MYOF: variants seen among roughly 807,000 people sequenced by gnomAD.
MYOF encodes myoferlin, also known as fer-1-like 3, myoferlin.
A neutral mutation model predicts 284.2 loss-of-function variants in MYOF; 244 were observed. The observed-to-expected ratio is 0.86, with a 90% CI of 0.77 to 0.95. The LOEUF is 0.95. Ranked by LOEUF, MYOF falls within the 40% of genes least tolerant of loss-of-function variation. MYOF has a pLI of 0.00. For missense variants in MYOF, 2,496 were observed against 2,560.6 expected (o/e 0.97, Z 0.54); for synonymous variants, 904 against 919.7 (o/e 0.98, Z 0.31).
intron 12 of MYOF, among the ~76,000 whole-genome samples, chr10:93,400,862 T>G (rs1314920537): frequency 6.1e-5 from 9 of 146,894 alleles, no homozygotes; most frequent in South Asian, 4.4e-4. Flanking sequence ...TGTTTTTTTT[T>G]TTTTTTTTTT....
Position 93,363,997 on chromosome 10 carries a change from G to A in MYOF, c.2832C>T (p.Gly944=), listed in dbSNP as rs757352331. Residue 944 remains glycine, a synonymous_variant, in exon 27 of 54, where the codon GGC becomes GGT. Coordinates refer to ENST00000359263, the MANE Select transcript of MYOF (RefSeq NM_013451.4). The stretch of plus-strand genomic sequence containing the variant: ...AGGTGTCCTCGGCCGGCTTCCAGTC[G>A]CCCCCGGGGTAGCGGCTCTCGTTCT... ...VYQNESRYPG[G]DWKPAEDTYT... is the part of the protein sequence containing the mutation. 9.9e-6 allele frequency: 16 copies of A among 1,613,952 alleles called. No individual in the cohort carries two copies. The highest frequency in any genetic ancestry group is 7.7e-5 in the South Asian group (7 of 91,092).
At chr10:93,320,724 A>C (rs1044175892) in intron 48 of MYOF, among the ~76,000 whole-genome samples, 1 of 152,152 alleles carries the variant, frequency 6.6e-6, no homozygotes, top group African/African-American at 2.4e-5. Flanking sequence ...AGTTGTTGCT[A>C]CTGGGAAGAC....
Position 93,408,976 on chromosome 10 carries a change from C to T in MYOF, c.601-61G>A, listed in dbSNP as rs1461124106. 4 of 1,604,038 alleles carry T rather than the reference C, an allele frequency of 2.5e-6. No homozygotes were observed. In the African/African-American group the frequency reaches 4.0e-5, roughly 16 times the overall value. The stretch of plus-strand genomic sequence containing the variant: ...CCCAGCACGTGGGATCCTTAGGATC[C>T]TCAGGTGTTGCTTCATTTCCTTCAC... On this transcript the variant is annotated intron_variant, in intron 6 of 53. Coordinates refer to ENST00000359263, the MANE Select transcript of MYOF (RefSeq NM_013451.4).
intron 50 of MYOF, among the ~76,000 whole-genome samples, chr10:93,313,712 C>T (rs759223751): frequency 3.3e-5 from 5 of 151,926 alleles, no homozygotes; most frequent in Non-Finnish European, 5.9e-5. Flanking sequence ...ACCAGCCTGG[C>T]CAACATGGTG....
At chr10:93,408,016 CTG>C (rs1435981337) in intron 7 of MYOF, among the ~76,000 whole-genome samples, 3 of 152,086 alleles carry the variant, frequency 2.0e-5, no homozygotes, top group Non-Finnish European at 2.9e-5. Flanking sequence ...AACAGCATCT[CTG>C]AGAACCACTG....
At chr10:93,396,067 C>T (rs1846991969) in intron 16 of MYOF, 75 bp downstream of exon 16, 1 of 1,158,616 alleles carries the variant, frequency 8.6e-7, no homozygotes, top group Non-Finnish European at 1.3e-6. Flanking sequence ...GAGGTGGCTA[C>T]CCCAGTTCAT....
intron 38 of MYOF, among the ~76,000 whole-genome samples, chr10:93,341,751 G>A (rs1843928079): frequency 6.6e-6 from 1 of 152,134 alleles, no homozygotes; most frequent in Non-Finnish European, 1.5e-5. Context: ...TCATTAAATG[G>A]CACAGAAGAT....
chr10:93,446,261 C>T (rs887517839), intron 3 of MYOF, among the ~76,000 whole-genome samples: 2 of 152,016 alleles, frequency 1.3e-5, no homozygotes, highest in African/African-American at 2.4e-5. Context: ...AGATAATGTT[C>T]TAATTTTTAG....
chr10:93,440,228 A>T (rs2056201994), intron 3 of MYOF, among the ~76,000 whole-genome samples: 1 of 152,146 alleles, frequency 6.6e-6, no homozygotes. Context: ...CCTGGCCAAT[A>T]TGGTGAAACC....
intron 3 of MYOF, 117 bp downstream of exon 3, chr10:93,451,933 A>T: frequency 2.5e-6 from 2 of 794,804 alleles, no homozygotes; most frequent in Admixed American, 2.3e-5. Flanking sequence ...CATGGAATTA[A>T]AGCACATTTA....
chr10:93,379,201 T>C (rs1005050977), intron 21 of MYOF, among the ~76,000 whole-genome samples: 7 of 152,156 alleles, frequency 4.6e-5, no homozygotes, highest in Non-Finnish European at 7.4e-5. Context: ...AAGAGTGGAA[T>C]GTGTCAGACA....
intron 40 of MYOF, among the ~76,000 whole-genome samples, chr10:93,336,838 C>A: frequency 7.4e-6 from 1 of 135,058 alleles, no homozygotes; most frequent in South Asian, 2.3e-4. Flanking sequence ...GGAGGGAAGG[C>A]AGGAAGAAAA....
At chr10:93,440,141 C>T (rs2056198583) in intron 3 of MYOF, among the ~76,000 whole-genome samples, 1 of 152,154 alleles carries the variant, frequency 6.6e-6, no homozygotes, top group Non-Finnish European at 1.5e-5. Flanking sequence ...AGGCTGGGTG[C>T]AGTGGCTCAT....
chr10:93,477,265 G>T (rs2057283730), intron 1 of MYOF, among the ~76,000 whole-genome samples: 1 of 152,106 alleles, frequency 6.6e-6, no homozygotes, highest in African/African-American at 2.4e-5. Flanking sequence ...GCCGAGGCGG[G>T]TGGATCACCT....
intron 30 of MYOF, 88 bp from the exon 31 acceptor site, chr10:93,355,824 A>T: frequency 2.3e-6 from 2 of 888,626 alleles, no homozygotes; most frequent in South Asian, 1.6e-5. Context: ...AAGAATAACA[A>T]ATGGAATTCT....
In MYOF at chr10:93,378,693, GTA is replaced by G. The variant is rs66859494; in HGVS notation, c.2001+1168_2001+1169del. Among the ~76,000 whole-genome samples, 256 of 87,850 alleles carry G rather than the reference GTA, an allele frequency of 2.9e-3. 8 individuals carry two copies. Among genetic ancestry groups the G allele is most frequent in the East Asian group, 8.9e-3 (11 of 1,230 alleles). The allele number at this position is 87,850 out of a possible 152,430, so 57.6% of individuals were successfully genotyped here. On this transcript the variant is annotated intron_variant, in intron 21 of 53. Transcript: ENST00000359263. ...TATGTGTGTGTGTATGTGTGTGTGTGTATATATATATATATATATATATGTAT... is the reference window on the plus strand; with the variant it reads ...TATGTGTGTGTGTATGTGTGTGTGTGTATATATATATATATATATATGTAT...
chr10:93,366,857 G>A (rs750363940), intron 25 of MYOF, among the ~76,000 whole-genome samples: 19 of 152,284 alleles, frequency 1.2e-4, no homozygotes, highest in African/African-American at 3.1e-4. Context: ...TGTAAATAGC[G>A]ATATAGCATC....
chr10:93,374,783 A>G lies in MYOF; in HGVS notation c.2281T>C (p.Leu761=). The stretch of plus-strand genomic sequence containing the variant: ...CCTACCTCTTCAGTCAGCTGCATTA[A>G]TTTATCAAGCCAGTCCTCAATTTCT... ...LAEIEDWLDK[L]MQLTEEPQNS... Residue 761 remains leucine, a synonymous_variant, in exon 23 of 54, where the codon TTA becomes CTA. Transcript: ENST00000359263. 2 of 1,613,804 alleles carry G rather than the reference A, an allele frequency of 1.2e-6. No homozygotes were observed. Among genetic ancestry groups the G allele is most frequent in the Non-Finnish European group, 1.7e-6 (2 of 1,179,922 alleles).
chr10:93,413,145 C>G (rs934313186), intron 5 of MYOF, among the ~76,000 whole-genome samples: 3 of 151,992 alleles, frequency 2.0e-5, no homozygotes, highest in Non-Finnish European at 4.4e-5. Context: ...TCAATCATAC[C>G]CCTTTGCAAT....
Sources: gnomAD v4.1 joint callset for allele counts (sites outside exome capture counted in the v4.1 genomes callset) on GRCh38, gnomAD v4.1.1 for gene constraint, MANE v1.5 for transcripts, NCBI Gene and HGNC (gene_info 2026-07-23, HGNC 2026-07-21) for gene names.